The following LOC128125817 variants were observed in gnomAD, a reference collection of about 807,000 sequenced individuals.
At chr1:41,597,834 AC>A in the LOC128125817 span, among the ~76,000 whole-genome samples, 1 of 152,146 alleles carries the variant, frequency 6.6e-6, no homozygotes, top group African/African-American at 2.4e-5. Flanking sequence ...TTCCATTGAG[AC>A]CAAAAATGAA....
the LOC128125817 span, among the ~76,000 whole-genome samples, chr1:41,596,578 C>T: frequency 1.3e-4 from 20 of 152,298 alleles, no homozygotes; most frequent in East Asian, 3.7e-3. Context: ...TTTCCAGTGC[C>T]TGATACAGAA....
At chr1:41,588,231 G>A in the LOC128125817 span, among the ~76,000 whole-genome samples, 14 of 152,342 alleles carry the variant, frequency 9.2e-5, no homozygotes, top group East Asian at 2.7e-3. Flanking sequence ...GGTGCTATGT[G>A]TGGATAATCA....
chr1:41,602,711 GT>G, the LOC128125817 span, among the ~76,000 whole-genome samples: 8 of 151,370 alleles, frequency 5.3e-5, no homozygotes, highest in African/African-American at 1.9e-4. Flanking sequence ...TTTTCCTATT[GT>G]TTTTGTATTG....
At chr1:41,608,943 G>T in the LOC128125817 span, among the ~76,000 whole-genome samples, 14 of 147,380 alleles carry the variant, frequency 9.5e-5, no homozygotes, top group African/African-American at 3.6e-4. Context: ...AAATAGCCAG[G>T]TGTGGTGGTG....
chr1:41,614,615 G>A, the LOC128125817 span, among the ~76,000 whole-genome samples: 1 of 152,164 alleles, frequency 6.6e-6, no homozygotes, highest in Non-Finnish European at 1.5e-5. Flanking sequence ...TTATTCCACA[G>A]TAGATTTGAG....
the LOC128125817 span, among the ~76,000 whole-genome samples, chr1:41,626,587 C>G: frequency 6.6e-6 from 1 of 152,202 alleles, no homozygotes; most frequent in South Asian, 2.1e-4. Flanking sequence ...GCTTGCATCT[C>G]TCAGAGGGCT....
At chr1:41,619,141 A>C in the LOC128125817 span, among the ~76,000 whole-genome samples, 7 of 134,892 alleles carry the variant, frequency 5.2e-5, no homozygotes, top group African/African-American at 8.5e-5. Flanking sequence ...CTGTGCCCCC[A>C]CCCCCACTCC....
chr1:41,611,495 C>A, the LOC128125817 span, among the ~76,000 whole-genome samples: 37 of 152,348 alleles, frequency 2.4e-4, no homozygotes, highest in African/African-American at 7.5e-4. Flanking sequence ...AATGTTTTTA[C>A]ATCCATCTCA....
At chr1:41,599,507 C>T in the LOC128125817 span, among the ~76,000 whole-genome samples, 1 of 152,064 alleles carries the variant, frequency 6.6e-6, no homozygotes, top group Non-Finnish European at 1.5e-5. Context: ...ATATTTGCAA[C>T]ACATGTTTGA....
chr1:41,615,052 C>T, the LOC128125817 span, among the ~76,000 whole-genome samples: 31 of 152,192 alleles, frequency 2.0e-4, no homozygotes, highest in African/African-American at 7.0e-4. Flanking sequence ...GTTTGGGAAA[C>T]GTTGTGCCAT....
chr1:41,605,068 G>A, the LOC128125817 span, among the ~76,000 whole-genome samples: 1 of 146,340 alleles, frequency 6.8e-6, no homozygotes, highest in African/African-American at 2.5e-5. Context: ...TCACGCCACA[G>A]CACTCCAGTC....
At chr1:41,607,850 T>A in the LOC128125817 span, among the ~76,000 whole-genome samples, 1 of 152,238 alleles carries the variant, frequency 6.6e-6, no homozygotes, top group Non-Finnish European at 1.5e-5. Flanking sequence ...CTTCACCGTG[T>A]GGACATCTTT....
the LOC128125817 span, among the ~76,000 whole-genome samples, chr1:41,606,662 G>T: frequency 2.6e-5 from 4 of 151,902 alleles, no homozygotes; most frequent in South Asian, 6.2e-4. Context: ...ACTCCAGGAG[G>T]TTTTATTTTC....
At chr1:41,596,144 C>T in the LOC128125817 span, among the ~76,000 whole-genome samples, 1 of 152,000 alleles carries the variant, frequency 6.6e-6, no homozygotes, top group Non-Finnish European at 1.5e-5. Flanking sequence ...CCTCCTAGGC[C>T]CCAGAATGAC....
At chr1:41,607,886 C>T in the LOC128125817 span, among the ~76,000 whole-genome samples, 1 of 152,198 alleles carries the variant, frequency 6.6e-6, no homozygotes, top group Non-Finnish European at 1.5e-5. Context: ...ATATCCACAG[C>T]ACATGACTTC....
At chr1:41,589,911 T>A in the LOC128125817 span, among the ~76,000 whole-genome samples, 1 of 152,208 alleles carries the variant, frequency 6.6e-6, no homozygotes, top group Non-Finnish European at 1.5e-5. Flanking sequence ...ATAAGAAAAC[T>A]TTCCTATTAA....
At chr1:41,618,880 T>C in the LOC128125817 span, among the ~76,000 whole-genome samples, 1 of 152,244 alleles carries the variant, frequency 6.6e-6, no homozygotes, top group African/African-American at 2.4e-5. Flanking sequence ...GCAAATCATG[T>C]TGGCTTGACC....
At chr1:41,626,277 G>A in the LOC128125817 span, among the ~76,000 whole-genome samples, 14 of 152,208 alleles carry the variant, frequency 9.2e-5, no homozygotes, top group African/African-American at 1.2e-4. Context: ...TGGGAGGGCC[G>A]TGCCAGCAGT....
At chr1:41,601,155 A>G in the LOC128125817 span, among the ~76,000 whole-genome samples, 587 of 152,220 alleles carry the variant, frequency 3.9e-3, 3 homozygotes, top group Non-Finnish European at 7.1e-3. Flanking sequence ...TGATTAGTGT[A>G]ATTTTTTATG....
Sources: allele counts gnomAD v4.1 joint callset (sites outside exome capture counted in the v4.1 genomes callset), GRCh38; gene constraint gnomAD v4.1.1; transcripts MANE v1.5.